The following DMD variants were observed in gnomAD, a reference collection of about 807,000 sequenced individuals.
DMD encodes the protein dystrophin.
Under a neutral mutation model 330.1 loss-of-function variants are expected in DMD, and 63 were observed. That is an observed-to-expected ratio of 0.19 (90% CI 0.16 to 0.24). The LOEUF (loss-of-function observed/expected upper bound fraction) is 0.24, where lower values mean the gene tolerates loss of function less well. DMD is among the 10% of genes least tolerant of loss of function. The probability of loss-of-function intolerance (pLI) is 1.00; values close to 1 mark genes in which losing one functional copy is unlikely to be tolerated. For synonymous variants in DMD, 1,223 were observed against 959.8 expected, an observed-to-expected ratio of 1.27 and a Z score of -5.07; for missense variants, 3,344 against 2,684.1, an observed-to-expected ratio of 1.25 and a Z score of -5.43.
chrX:31,794,620 T>G (rs2091738274), intron 50 of DMD, among the ~76,000 whole-genome samples: 1 of 111,919 alleles, frequency 8.9e-6, no homozygotes, highest in Admixed American at 9.5e-5. Flanking sequence ...AATCTCTTTT[T>G]ATTAGGTCTG....
intron 54 of DMD, among the ~76,000 whole-genome samples, chrX:31,630,695 A>G (rs1280118055): frequency 9.0e-6 from 1 of 111,445 alleles, no homozygotes; most frequent in Non-Finnish European, 1.9e-5. Context: ...GAAAAAAAAG[A>G]TATGTTCAGA....
rs969380528 is a variant in DMD, at chrX:32,832,481, C to A, written c.265-9094G>T. Reference sequence around the variant, plus strand: ...AAAATATATATAAACCGAGAAGTTCCTTCCAACATTCTAGATAAACAGAAT... The same window carrying A: ...AAAATATATATAAACCGAGAAGTTCATTCCAACATTCTAGATAAACAGAAT... On this transcript the variant is annotated intron_variant, in intron 4 of 78. Transcript: ENST00000357033. 1.6e-4 allele frequency among the ~76,000 whole-genome samples: 18 copies of A among 110,654 alleles called. No homozygotes were observed. In the Middle Eastern group the frequency reaches 0.014, roughly 87 times the overall value.
chrX:33,177,678 G>A (rs13440684), intron 1 of DMD, among the ~76,000 whole-genome samples: 25 of 111,827 alleles, frequency 2.2e-4, no homozygotes, highest in Admixed American at 4.7e-4. Context: ...GAGCCACCGC[G>A]CCCGACCTTA....
At position 32,345,951 on chromosome X, in the gene DMD, C is replaced by A. The variant is rs1433418358; in HGVS notation, c.5578G>T (p.Ala1860Ser). ...AATTTTAGCTCTAATACCTTGAGAG[C>A]ATTATGTTTTGTCTGTAACAGCTGC... is the stretch of plus-strand genomic sequence containing the variant. The part of the protein sequence containing the change: ...KQQLLQTKHN[A>S]LKDLRSQRRK... The change falls in exon 39 of 79, where the codon GCT becomes TCT. Residue 1860 changes from alanine (A) to serine (S), a missense_variant. Ala to Ser is a moderately conservative substitution (Grantham distance 99). Coordinates refer to ENST00000357033, the MANE Select transcript of DMD (RefSeq NM_004006.3). 2.5e-6 allele frequency: 3 copies of A among 1,206,246 alleles called. No individual in the cohort carries two copies. The highest frequency in any genetic ancestry group is 1.8e-5 in the African/African-American group (1 of 56,679).
intron 2 of DMD, among the ~76,000 whole-genome samples, chrX:33,005,757 GC>G (rs753557363): frequency 8.8e-4 from 97 of 110,547 alleles, no homozygotes; most frequent in Middle Eastern, 8.6e-3. Context: ...GGAAGTCCTA[GC>G]TAATGCAATA....
chrX:32,267,810 C>A (rs1015942895), intron 43 of DMD, among the ~76,000 whole-genome samples: 1 of 111,895 alleles, frequency 8.9e-6, no homozygotes, highest in South Asian at 3.7e-4. Flanking sequence ...GGATTGTGCA[C>A]GTGACCTTTA....
At chrX:31,762,291 C>A (rs1259058779) in intron 51 of DMD, among the ~76,000 whole-genome samples, 1 of 110,800 alleles carries the variant, frequency 9.0e-6, no homozygotes, top group East Asian at 2.9e-4. Flanking sequence ...AAAAGTCTTG[C>A]TGGGCACGGT....
chrX:32,816,385 G>A (rs2077762759), intron 6 of DMD, 83 bp downstream of exon 6: 1 of 1,064,997 alleles, frequency 9.4e-7, no homozygotes, highest in Admixed American at 2.2e-5. Flanking sequence ...GACATGATCT[G>A]GAACCATACT....
At chrX:31,292,174 T>C (rs1437201266) in intron 62 of DMD, among the ~76,000 whole-genome samples, 3 of 110,065 alleles carry the variant, frequency 2.7e-5, no homozygotes, top group African/African-American at 6.6e-5. Context: ...AGGAAAGCTA[T>C]AAAATGGGAG....
intron 1 of DMD, among the ~76,000 whole-genome samples, chrX:33,245,070 T>C (rs925092362): frequency 9.0e-6 from 1 of 111,719 alleles, no homozygotes; most frequent in South Asian, 3.7e-4. Flanking sequence ...TTCCTTCCTG[T>C]TCATGATTTA....
intron 47 of DMD, among the ~76,000 whole-genome samples, chrX:31,926,165 C>G (rs947309973): frequency 1.0e-4 from 10 of 96,759 alleles, no homozygotes; most frequent in Non-Finnish European, 2.0e-4. Flanking sequence ...AACATCCCCA[C>G]TTTGTGGCTC....
chrX:31,798,178 G>C (rs1237809564), intron 50 of DMD, among the ~76,000 whole-genome samples: 3 of 111,858 alleles, frequency 2.7e-5, no homozygotes, highest in Middle Eastern at 9.2e-3. Context: ...AAAATCAAGG[G>C]AAAACTAATA....
At chrX:32,749,861 C>A (rs1569507852) in intron 7 of DMD, among the ~76,000 whole-genome samples, 1 of 112,410 alleles carries the variant, frequency 8.9e-6, no homozygotes, top group African/African-American at 3.2e-5. Context: ...ATGTGGCTAA[C>A]ACCACACATA....
At chrX:33,036,517 A>G (rs535288721) in intron 1 of DMD, among the ~76,000 whole-genome samples, 1 of 111,094 alleles carries the variant, frequency 9.0e-6, no homozygotes, top group Admixed American at 9.7e-5. Flanking sequence ...ATTACTATCA[A>G]TATAGATAAA....
chrX:32,785,497 C>T (rs916844261), intron 7 of DMD, among the ~76,000 whole-genome samples: 1 of 111,287 alleles, frequency 9.0e-6, no homozygotes, highest in African/African-American at 3.3e-5. Context: ...TTAAGATTAA[C>T]GTGAAGAAGG....
At chrX:32,049,200 C>A (rs908867746) in intron 44 of DMD, among the ~76,000 whole-genome samples, 3 of 111,308 alleles carry the variant, frequency 2.7e-5, no homozygotes, top group African/African-American at 9.8e-5. Context: ...CAACAGCATG[C>A]ATCCACTTGG....
At chrX:31,799,473 G>C (rs1394955844) in intron 50 of DMD, among the ~76,000 whole-genome samples, 1 of 110,896 alleles carries the variant, frequency 9.0e-6, no homozygotes, top group Non-Finnish European at 1.9e-5. Flanking sequence ...ATAGCATGGG[G>C]GAAACTGCCT....
intron 5 of DMD, 71 bp downstream of exon 5, chrX:32,823,224 C>A (rs1042523157): frequency 4.1e-5 from 36 of 883,207 alleles, no homozygotes; most frequent in Non-Finnish European, 6.0e-5. Flanking sequence ...ATTTGTTTCA[C>A]ACGTCAAGGG....
intron 1 of DMD, among the ~76,000 whole-genome samples, chrX:33,094,018 G>A (rs772087088): frequency 3.6e-5 from 4 of 110,661 alleles, no homozygotes; most frequent in African/African-American, 1.3e-4. Flanking sequence ...AGAAATGTTC[G>A]CAGATTCTAC....
Sources: allele counts gnomAD v4.1 joint callset (sites outside exome capture counted in the v4.1 genomes callset), GRCh38; gene constraint gnomAD v4.1.1; transcripts MANE v1.5; gene names NCBI Gene and HGNC (gene_info 2026-07-23, HGNC 2026-07-21).